Variants in TEX101 observed in about 807,000 individuals in gnomAD.
TEX101 encodes the protein testis-expressed protein 101.
TEX101 carries 10 observed loss-of-function variants against 18.1 expected under a neutral mutation model. That is an observed-to-expected ratio of 0.55 (90% CI 0.34 to 0.94). The LOEUF (loss-of-function observed/expected upper bound fraction) is 0.94, where lower values mean the gene tolerates loss of function less well. Ranked by LOEUF, TEX101 falls within the 40% of genes least tolerant of loss-of-function variation. The pLI is 0.02. For synonymous variants in TEX101, 94 were observed against 114.8 expected (o/e 0.82, Z 1.16); for missense variants, 259 against 298.9 (o/e 0.87, Z 0.98).
intron 5 of TEX101, 51 bp from the exon 6 acceptor site, chr19:43,418,117 T>G: frequency 6.2e-7 from 1 of 1,612,022 alleles, no homozygotes; most frequent in Non-Finnish European, 8.5e-7. Context: ...TGGATTCTCC[T>G]CTGATGTCCT....
At chr19:43,412,149 G>T (rs1187768865), upstream of TEX101, among the ~76,000 whole-genome samples, 2 of 152,216 alleles carry the variant, frequency 1.3e-5, no homozygotes, top group South Asian at 2.1e-4. Flanking sequence ...TAAGAAAAGA[G>T]GTTTGATTGG....
At chr19:43,416,051 G>T (rs772253784) in intron 2 of TEX101, 48 bp from the exon 3 acceptor site, 2 of 1,609,922 alleles carry the variant, frequency 1.2e-6, no homozygotes, top group Admixed American at 1.7e-5. Context: ...AAAGGGAGCC[G>T]CCTTGGCCCA....
chr19:43,413,086 A>G (rs545052868), upstream of TEX101, among the ~76,000 whole-genome samples: 9 of 152,322 alleles, frequency 5.9e-5, no homozygotes, highest in South Asian at 1.5e-3. Flanking sequence ...CAGACATTAT[A>G]TGAAAAAGCA....
upstream of TEX101, among the ~76,000 whole-genome samples, chr19:43,400,573 A>G (rs567262221): frequency 5.3e-5 from 8 of 152,280 alleles, no homozygotes; most frequent in South Asian, 4.1e-4. Flanking sequence ...ATTTATTTCA[A>G]TCAGCAAGAT....
At chr19:43,413,668 A>G (rs1469363930), upstream of TEX101, among the ~76,000 whole-genome samples, 1 of 152,090 alleles carries the variant, frequency 6.6e-6, no homozygotes, top group African/African-American at 2.4e-5. Flanking sequence ...GAAAGCTTAC[A>G]TAGGCCAGGG....
chr19:43,403,500 G>T (rs1356851236), intron 2 of TEX101, among the ~76,000 whole-genome samples: 1 of 152,098 alleles, frequency 6.6e-6, no homozygotes, highest in Non-Finnish European at 1.5e-5. Context: ...AAGCTCATGG[G>T]TGCAGCAAAC....
upstream of TEX101, among the ~76,000 whole-genome samples, chr19:43,412,550 T>G (rs1338520882): frequency 6.6e-6 from 1 of 151,968 alleles, no homozygotes; most frequent in Non-Finnish European, 1.5e-5. Flanking sequence ...GCTTCCAAGG[T>G]CTCTTCTAGG....
At chr19:43,398,207 A>T (rs1418450794), upstream of TEX101, among the ~76,000 whole-genome samples, 1 of 105,502 alleles carries the variant, frequency 9.5e-6, no homozygotes, top group Non-Finnish European at 1.8e-5. Context: ...ATAAATATAT[A>T]ATATATAAAT....
chr19:43,408,926 C>T (rs143071607), intron 3 of TEX101, among the ~76,000 whole-genome samples: 278 of 152,246 alleles, frequency 1.8e-3, no homozygotes, highest in African/African-American at 6.6e-3. Flanking sequence ...CTCATGAACC[C>T]GTGGAGGCCT....
upstream of TEX101, among the ~76,000 whole-genome samples, chr19:43,400,433 A>G (rs187441207): frequency 2.0e-5 from 3 of 152,330 alleles, no homozygotes; most frequent in Admixed American, 2.0e-4. Flanking sequence ...GTTTAAATGC[A>G]TTGGTTTCAT....
upstream of TEX101, among the ~76,000 whole-genome samples, chr19:43,409,980 T>C (rs192898230): frequency 6.6e-6 from 1 of 152,176 alleles, no homozygotes; most frequent in East Asian, 1.9e-4. Flanking sequence ...GAGGCTGCAG[T>C]GAGCTGTGAT....
In TEX101 at chr19:43,418,006, G is replaced by A. The variant is rs1475757686; in HGVS notation, c.520G>A (p.Gly174Ser). The change falls in exon 5 of 6, where the codon GGT (glycine) becomes AGT (serine). Residue 174 changes from glycine to serine, a missense_variant and splice_region_variant. By Grantham distance (56) the Gly-to-Ser change is moderately conservative (BLOSUM62 0). Transcript: ENST00000598265. ...CYQGKLEITGGGIESSVEVKG... is the reference protein window; with the variant it reads ...CYQGKLEITGSGIESSVEVKG... ...TCAAGGAAAACTTGAGATCACTGGA[G>A]GTAAACTGAAATGAACATCTGATAG... 6.2e-7 allele frequency: 1 copy of A among 1,614,138 alleles called. No individual in the cohort carries two copies. The highest frequency in any genetic ancestry group is 2.2e-5 in the East Asian group (1 of 44,882).
upstream of TEX101, among the ~76,000 whole-genome samples, chr19:43,413,960 A>G (rs1344492073): frequency 6.6e-6 from 1 of 151,654 alleles, no homozygotes; most frequent in Admixed American, 6.6e-5. Context: ...GTCTCCAAAA[A>G]AAAAATACAA....
At chr19:43,394,712 C>T in the TEX101 span, among the ~76,000 whole-genome samples, 2 of 152,098 alleles carry the variant, frequency 1.3e-5, no homozygotes, top group African/African-American at 2.4e-5. Context: ...CCTCGTGATC[C>T]GCCTGCCTCG....
At chr19:43,410,738 GAC>G (rs1250776417), upstream of TEX101, among the ~76,000 whole-genome samples, 4 of 150,066 alleles carry the variant, frequency 2.7e-5, no homozygotes, top group East Asian at 5.9e-4. Flanking sequence ...ACACACATCA[GAC>G]ACACATTCAC....
the TEX101 span, among the ~76,000 whole-genome samples, chr19:43,389,509 C>T: frequency 2.6e-5 from 4 of 152,302 alleles, no homozygotes; most frequent in South Asian, 4.1e-4. Flanking sequence ...AGATCTTGAC[C>T]GGAGCTGTCC....
chr19:43,399,353 C>T (rs372582238), upstream of TEX101, among the ~76,000 whole-genome samples: 85 of 152,138 alleles, frequency 5.6e-4, 3 homozygotes, highest in South Asian at 0.013. Flanking sequence ...CAGCCTGATT[C>T]GTGTGTTGTC....
At chr19:43,400,062 G>A (rs573552127), upstream of TEX101, among the ~76,000 whole-genome samples, 10 of 152,190 alleles carry the variant, frequency 6.6e-5, no homozygotes, top group Non-Finnish European at 1.3e-4. Context: ...TGATCTACCC[G>A]CCTCAGCCTC....
intron 2 of TEX101, among the ~76,000 whole-genome samples, chr19:43,405,549 C>CAAA (rs1163062557): frequency 1.6e-4 from 6 of 38,500 alleles, no homozygotes; most frequent in Admixed American, 7.3e-4. Context: ...AACTCTGTCT[C>CAAA]AAAAAAAAAA....
Sources: gnomAD v4.1 joint callset for allele counts (sites outside exome capture counted in the v4.1 genomes callset) on GRCh38, gnomAD v4.1.1 for gene constraint, MANE v1.5 for transcripts, NCBI Gene and HGNC (gene_info 2026-07-23, HGNC 2026-07-21) for gene names.